HDAC4: variants seen among roughly 807,000 people sequenced by gnomAD.
HDAC4 encodes histone deacetylase A.
HDAC4 carries 16 observed loss-of-function variants against 135.1 expected under a neutral mutation model. The observed-to-expected ratio is 0.12, with a 90% CI of 0.08 to 0.18. The LOEUF is 0.18. HDAC4 is among the 10% of genes least tolerant of loss of function. The pLI is 1.00. For synonymous variants in HDAC4, 685 were observed against 653.4 expected (o/e 1.05, Z -0.74); for missense variants, 1,143 against 1,511.8 (o/e 0.76, Z 4.05).
intron 1 of HDAC4, among the ~76,000 whole-genome samples, chr2:239,374,730 CAT>C (rs1166113947): frequency 2.6e-5 from 4 of 152,218 alleles, no homozygotes; most frequent in Admixed American, 6.5e-5. Context: ...TAAGTTAACT[CAT>C]GTGTGCTAAA....
intron 2 of HDAC4, among the ~76,000 whole-genome samples, chr2:239,336,408 T>C (rs993413615): frequency 6.6e-6 from 1 of 152,134 alleles, no homozygotes; most frequent in African/African-American, 2.4e-5. Flanking sequence ...TTGGCGGTCT[T>C]CAAGGCTACA....
chr2:239,130,097 C>T (rs1489599811), intron 11 of HDAC4, among the ~76,000 whole-genome samples: 2 of 152,206 alleles, frequency 1.3e-5, no homozygotes, highest in Non-Finnish European at 2.9e-5. Context: ...TCTTTAAAAT[C>T]CTTCCATTGA....
intron 5 of HDAC4, 57 bp from the exon 6 acceptor site, chr2:239,163,980 A>G (rs1337753822): frequency 3.7e-6 from 6 of 1,604,502 alleles, no homozygotes; most frequent in Non-Finnish European, 5.1e-6. Context: ...TACAGCAGCA[A>G]TGCAGGGCAG....
chr2:239,311,156 C>T (rs910044739), intron 2 of HDAC4, among the ~76,000 whole-genome samples: 11 of 152,142 alleles, frequency 7.2e-5, no homozygotes, highest in Admixed American at 2.6e-4. Context: ...TTTACAACCC[C>T]GCAGAGTGAG....
chr2:239,190,175 G>A lies in HDAC4; in HGVS notation c.95-98C>T, dbSNP rs1014614651. ...AACACACTGGCCACCTTCACGGGGC[G>A]GGGGGGGGGTTGTGACCATTTGAGG... On this transcript the variant is annotated intron_variant, in intron 3 of 26. Coordinates refer to ENST00000543185, the MANE Select transcript of HDAC4 (RefSeq NM_001378414.1). 5.9e-4 allele frequency: 230 copies of A among 393,154 alleles called. 3 individuals carry two copies. The highest frequency in any genetic ancestry group is 2.8e-3 in the African/African-American group (81 of 29,208). 24.4% of individuals were successfully genotyped at this position (393,154 alleles called of 1,614,324 possible).
At chr2:239,230,667 C>T (rs527741637) in intron 3 of HDAC4, among the ~76,000 whole-genome samples, 1 of 152,204 alleles carries the variant, frequency 6.6e-6, no homozygotes, top group South Asian at 2.1e-4. Context: ...CCTATCCAAA[C>T]CCCAGAAATG....
chr2:239,339,027 T>C (rs62182112), intron 2 of HDAC4, among the ~76,000 whole-genome samples: 50,158 of 152,150 alleles, frequency 0.33, 9,356 homozygotes, highest in Non-Finnish European at 0.43. Flanking sequence ...ATGTATTTAG[T>C]TTACATAAAA....
chr2:239,121,210 G>A (rs2039657546), intron 12 of HDAC4, among the ~76,000 whole-genome samples: 1 of 152,156 alleles, frequency 6.6e-6, no homozygotes, highest in East Asian at 1.9e-4. Flanking sequence ...ACCCACCTTG[G>A]CCTCCCAGAG....
chr2:239,324,893 GGAA>G (rs2053425744), intron 2 of HDAC4, among the ~76,000 whole-genome samples: 1 of 152,198 alleles, frequency 6.6e-6, no homozygotes, highest in South Asian at 2.1e-4. Flanking sequence ...GACCTGGGAA[GGAA>G]GAACAACTGC....
chr2:239,290,518 GATTT>G (rs920048694), intron 2 of HDAC4, among the ~76,000 whole-genome samples: 17 of 152,154 alleles, frequency 1.1e-4, no homozygotes, highest in African/African-American at 3.6e-4. Flanking sequence ...AGAGAAAGGG[GATTT>G]AGAGTGTCAA....
intron 5 of HDAC4, among the ~76,000 whole-genome samples, chr2:239,165,265 C>A (rs11124184): frequency 6.6e-6 from 1 of 151,858 alleles, no homozygotes; most frequent in South Asian, 2.1e-4. Context: ...ACACGCTGAC[C>A]CCCTGAACCA....
intron 6 of HDAC4, among the ~76,000 whole-genome samples, chr2:239,160,752 C>T (rs940043804): frequency 5.3e-5 from 8 of 152,376 alleles, no homozygotes; most frequent in Non-Finnish European, 1.5e-5. Context: ...TTGGTTGTTT[C>T]CACTGTTTGG....
At chr2:239,249,909 C>G (rs563402004) in intron 2 of HDAC4, among the ~76,000 whole-genome samples, 1 of 152,326 alleles carries the variant, frequency 6.6e-6, no homozygotes, top group African/African-American at 2.4e-5. Context: ...GGCTGCTCCA[C>G]ACTGGTTCTG....
chr2:239,212,162 G>A (rs1255405776), intron 3 of HDAC4, among the ~76,000 whole-genome samples: 1 of 152,180 alleles, frequency 6.6e-6, no homozygotes, highest in African/African-American at 2.4e-5. Context: ...AGATAAAAGT[G>A]ATGTGAACTG....
At chr2:239,125,788 A>T (rs961212359) in intron 12 of HDAC4, among the ~76,000 whole-genome samples, 1 of 152,218 alleles carries the variant, frequency 6.6e-6, no homozygotes, top group African/African-American at 2.4e-5. Context: ...TCCTCCTGAA[A>T]ATGGACTTAT....
intron 2 of HDAC4, among the ~76,000 whole-genome samples, chr2:239,316,163 G>A (rs975370020): frequency 8.5e-5 from 13 of 152,292 alleles, no homozygotes; most frequent in African/African-American, 1.4e-4. Flanking sequence ...CCAAAGCCCC[G>A]TGGGAATAGG....
At chr2:239,274,175 G>A (rs2125272876) in intron 2 of HDAC4, among the ~76,000 whole-genome samples, 1 of 152,320 alleles carries the variant, frequency 6.6e-6, no homozygotes, top group East Asian at 1.9e-4. Context: ...GCCAGTGAAG[G>A]TGCTAGATTT....
At chr2:239,178,664 G>C (rs1388735003) in intron 4 of HDAC4, among the ~76,000 whole-genome samples, 10 of 152,218 alleles carry the variant, frequency 6.6e-5, no homozygotes, top group African/African-American at 2.4e-4. Context: ...GATTACGAGC[G>C]TGAGCTGCCT....
intron 2 of HDAC4, among the ~76,000 whole-genome samples, chr2:239,287,958 A>C (rs1344243421): frequency 6.6e-6 from 1 of 152,240 alleles, no homozygotes; most frequent in Admixed American, 6.5e-5. Context: ...TCAGTAGTTA[A>C]AACATCAAAC....
Sources: gnomAD v4.1 joint callset for allele counts (sites outside exome capture counted in the v4.1 genomes callset) on GRCh38, gnomAD v4.1.1 for gene constraint, MANE v1.5 for transcripts, NCBI Gene and HGNC (gene_info 2026-07-23, HGNC 2026-07-21) for gene names.